Variants in CPLANE1 observed in about 807,000 individuals in gnomAD.
CPLANE1 encodes ciliogenesis and planar polarity effector complex subunit 1.
CPLANE1 carries 263 observed loss-of-function variants against 362.5 expected under a neutral mutation model. The observed-to-expected ratio is 0.73, with a 90% CI of 0.66 to 0.80. The LOEUF (loss-of-function observed/expected upper bound fraction) is 0.80. Among genes scored for constraint, CPLANE1 ranks in the 30% least tolerant of loss-of-function variants. The probability of loss-of-function intolerance (pLI) is 0.00; values close to 1 mark genes in which losing one functional copy is unlikely to be tolerated. For missense variants in CPLANE1, 3,461 were observed against 3,793.4 expected, an observed-to-expected ratio of 0.91 and a Z score of 2.30; for synonymous variants, 1,212 against 1,302.6, an observed-to-expected ratio of 0.93 and a Z score of 1.50.
chr5:37,161,366 T>C (rs1776817336), intron 38 of CPLANE1, among the ~76,000 whole-genome samples: 1 of 152,182 alleles, frequency 6.6e-6, no homozygotes, highest in Non-Finnish European at 1.5e-5. Context: ...ATTAAACAAC[T>C]CTTAAATAAC....
At chr5:37,183,973 A>G (rs1328260622) in intron 25 of CPLANE1, among the ~76,000 whole-genome samples, 1 of 152,218 alleles carries the variant, frequency 6.6e-6, no homozygotes, top group African/African-American at 2.4e-5. Context: ...ATTTCACTAT[A>G]AAAGAACATG....
At position 37,175,954 on chromosome 5, in the gene CPLANE1, G is replaced by A. The variant is rs751402710; in HGVS notation, c.5933C>T (p.Thr1978Ile). The A allele has an allele frequency of 8.7e-6, 14 of 1,613,306 alleles. No homozygotes were observed. The highest frequency in any genetic ancestry group is 1.0e-5 in the Non-Finnish European group (12 of 1,179,606). ...MIEAFSHPGH[T>I]TPQSMQVDTS... ...ATCTACTTGCATTGATTGAGGAGTG[G>A]TATGCCCAGGATGTGAAAAGGCTTC... The change falls in exon 31 of 53, where the codon ACC becomes ATC. Residue 1978 changes from threonine (T) to isoleucine (I), a missense_variant. Physicochemically the swap from Thr to Ile is moderately conservative, Grantham distance 89 (BLOSUM62 -1). This residue lies in a region of CPLANE1 where 3,380 missense variants were observed against 3,666.1 expected (regional missense o/e 0.92). Coordinates refer to ENST00000651892, the MANE Select transcript of CPLANE1 (RefSeq NM_001384732.1).
At chr5:37,188,507 T>C (rs1580557844) in intron 21 of CPLANE1, among the ~76,000 whole-genome samples, 1 of 152,182 alleles carries the variant, frequency 6.6e-6, no homozygotes, top group South Asian at 2.1e-4. Context: ...CCCAGGAGTT[T>C]GAGACCAGCC....
In CPLANE1 at chr5:37,227,750, T is replaced by G. The variant is rs1008133189; in HGVS notation, c.1189A>C (p.Met397Leu). The change falls in exon 10 of 53, where the codon ATG (methionine) becomes CTG (leucine). Residue 397 changes from methionine (M) to leucine (L), a missense_variant. Met to Leu is a conservative substitution (Grantham distance 15, BLOSUM62 2). This residue lies in a region of CPLANE1 where 3,380 missense variants were observed against 3,666.1 expected (regional missense o/e 0.92). Transcript: ENST00000651892. The part of the protein sequence containing the change: ...VDSSASDSDP[M>L]RQRFSIKAHS... Reference sequence around the variant, plus strand: ...GCTTTTATAGAAAATCTCTGTCTCATAGGGTCACTATCAGAAGCTGATGAA... The same window carrying G: ...GCTTTTATAGAAAATCTCTGTCTCAGAGGGTCACTATCAGAAGCTGATGAA... 6.4e-7 allele frequency: 1 copy of G among 1,551,234 alleles called. No individual in the cohort carries two copies. The highest frequency in any genetic ancestry group is 8.7e-7 in the Non-Finnish European group (1 of 1,146,782).
intron 16 of CPLANE1, chr5:37,212,169 G>A: frequency 8.5e-7 from 1 of 1,182,916 alleles, no homozygotes; most frequent in Non-Finnish European, 1.3e-6. Context: ...AAATGAATTA[G>A]AAATGAGTAA....
Position 37,138,749 on chromosome 5 carries a change from G to A in CPLANE1, c.8763C>T (p.Gly2921=). 1 of 1,612,592 alleles carries A rather than the reference G, an allele frequency of 6.2e-7. No homozygotes were observed. Among genetic ancestry groups the A allele is most frequent in the East Asian group, 2.2e-5 (1 of 44,750 alleles). The change falls in exon 46 of 53, where the codon GGC becomes GGT. Residue 2921 remains glycine (G), a synonymous_variant. Coordinates refer to ENST00000651892, the MANE Select transcript of CPLANE1 (RefSeq NM_001384732.1). ...IKDGVSSEEL[G]LTEQAMGTSR... Reference sequence around the variant, plus strand: ...AGGTGCCCATAGCTTGTTCTGTTAAGCCAAGTTCTTCACTGGAAACTCCGT... The same window carrying A: ...AGGTGCCCATAGCTTGTTCTGTTAAACCAAGTTCTTCACTGGAAACTCCGT...
At chr5:37,134,384 A>G (rs557583038) in intron 46 of CPLANE1, among the ~76,000 whole-genome samples, 1 of 152,318 alleles carries the variant, frequency 6.6e-6, no homozygotes, top group South Asian at 2.1e-4. Flanking sequence ...GTGTGTTTCC[A>G]GGAATTTATC....
intron 50 of CPLANE1, among the ~76,000 whole-genome samples, chr5:37,119,233 T>C (rs1438325578): frequency 2.6e-5 from 4 of 152,218 alleles, no homozygotes; most frequent in African/African-American, 7.2e-5. Context: ...CTTCTTAGCA[T>C]TCCTATTCTG....
chr5:37,225,482 T>C (rs915493307), intron 12 of CPLANE1, among the ~76,000 whole-genome samples: 3 of 152,042 alleles, frequency 2.0e-5, no homozygotes, highest in Non-Finnish European at 4.4e-5. Flanking sequence ...TCCACCCACC[T>C]CAGCCTCCCA....
downstream of CPLANE1, among the ~76,000 whole-genome samples, chr5:37,103,623 T>C (rs1248219799): frequency 1.3e-5 from 2 of 152,246 alleles, no homozygotes; most frequent in Non-Finnish European, 2.9e-5. Flanking sequence ...CTTTCATTTA[T>C]GAAGCTTAGT....
intron 14 of CPLANE1, among the ~76,000 whole-genome samples, chr5:37,222,899 T>C (rs1167184900): frequency 6.6e-6 from 1 of 152,242 alleles, no homozygotes; most frequent in African/African-American, 2.4e-5. Flanking sequence ...CCCTATGTCA[T>C]AGTCCTGCAA....
chr5:37,243,782 C>CATATATAATATACCATATA (rs1738515936), intron 5 of CPLANE1, among the ~76,000 whole-genome samples: 2 of 144,792 alleles, frequency 1.4e-5, no homozygotes, highest in African/African-American at 2.5e-5. Flanking sequence ...ATGTTATATA[C>CATATATAATATACCATATA]ATATATAATA....
chr5:37,084,202 T>C, the CPLANE1 span, among the ~76,000 whole-genome samples: 1 of 152,190 alleles, frequency 6.6e-6, no homozygotes, highest in South Asian at 2.1e-4. Flanking sequence ...GAAGGAAAGA[T>C]AGTCTTTTCC....
the CPLANE1 span, among the ~76,000 whole-genome samples, chr5:37,093,762 G>A: frequency 6.6e-6 from 1 of 152,202 alleles, no homozygotes; most frequent in Non-Finnish European, 1.5e-5. Context: ...AGAAAAGGGA[G>A]AGATGTAGGG....
chr5:37,099,012 A>G, the CPLANE1 span, among the ~76,000 whole-genome samples: 2 of 152,110 alleles, frequency 1.3e-5, no homozygotes, highest in Non-Finnish European at 2.9e-5. Flanking sequence ...GAACAAAACA[A>G]ACACAAAATA....
chr5:37,229,456 A>G (rs2886505), intron 9 of CPLANE1, among the ~76,000 whole-genome samples: 22,880 of 151,118 alleles, frequency 0.15, 2,040 homozygotes, highest in African/African-American at 0.24. Context: ...GGAGAATGGC[A>G]TGAACCCAGG....
At chr5:37,120,564 AG>A in intron 49 of CPLANE1, among the ~76,000 whole-genome samples, 1 of 152,342 alleles carries the variant, frequency 6.6e-6, no homozygotes, top group African/African-American at 2.4e-5. Flanking sequence ...TGGGTGACAG[AG>A]CAAGACCCTG....
intron 5 of CPLANE1, among the ~76,000 whole-genome samples, chr5:37,243,872 C>T (rs1738569343): frequency 6.9e-6 from 1 of 145,242 alleles, no homozygotes; most frequent in South Asian, 2.1e-4. Context: ...TTTTTTGAGA[C>T]AGAGTTTCAC....
chr5:37,180,825 T>C lies in CPLANE1; in HGVS notation c.5570+32A>G, dbSNP rs1036137152. ...AAATGCCATCAAACTACATGTCTTATATTGAAAAGAAGAGTATAATCGGCA... is the reference window on the plus strand; with the variant it reads ...AAATGCCATCAAACTACATGTCTTACATTGAAAAGAAGAGTATAATCGGCA... On this transcript the variant is annotated intron_variant, in intron 27 of 52. Coordinates refer to ENST00000651892, the MANE Select transcript of CPLANE1 (RefSeq NM_001384732.1). 14 of 1,600,978 alleles carry C rather than the reference T, an allele frequency of 8.7e-6. No individual in the cohort carries two copies. In the Admixed American group the frequency reaches 1.2e-4, roughly 13 times the overall value.
Sources: allele counts gnomAD v4.1 joint callset (sites outside exome capture counted in the v4.1 genomes callset), GRCh38; gene constraint gnomAD v4.1.1; regional missense constraint gnomAD v4.1.1; transcripts MANE v1.5; gene names NCBI Gene and HGNC (gene_info 2026-07-23, HGNC 2026-07-21).